TCF25: variants seen among roughly 807,000 people sequenced by gnomAD.
TCF25 encodes the protein TCF25 ribosome quality control complex subunit, also known as ribosome quality control complex subunit TCF25.
A neutral mutation model predicts 83.1 loss-of-function variants in TCF25; 41 were observed. That is an observed-to-expected ratio of 0.49 (90% CI 0.38 to 0.64). The LOEUF (loss-of-function observed/expected upper bound fraction) is 0.64, where lower values mean the gene tolerates loss of function less well. Among genes scored for constraint, TCF25 ranks in the 30% least tolerant of loss-of-function variants. The pLI is 0.00. For missense variants in TCF25, 979 were observed against 914.5 expected (o/e 1.07, Z -0.91); for synonymous variants, 458 against 365.0 (o/e 1.25, Z -2.90).
In TCF25 at chr16:89,878,059, C is replaced by G. The variant is rs181085618; in HGVS notation, c.192+4200C>G. On this transcript the variant is annotated intron_variant, in intron 1 of 17. Transcript: ENST00000263346. ...TTGGGAGGTCAAGGCAGATCCATCA[C>G]TTGAGCTCAGGTGTGTGAGACCAGC... Among the ~76,000 whole-genome samples, 190 of 152,264 alleles carry G rather than the reference C, an allele frequency of 1.2e-3. 3 individuals carry two copies. Among genetic ancestry groups the G allele is most frequent in the Middle Eastern group, 3.4e-3 (1 of 294 alleles).
In TCF25 at chr16:89,911,257, G is replaced by GA. The variant is rs754052079; in HGVS notation, c.*23dup. On this transcript the variant is annotated 3_prime_UTR_variant, in exon 18 of 18. Coordinates refer to ENST00000263346, the MANE Select transcript of TCF25 (RefSeq NM_014972.3). Reference sequence around the variant, plus strand: ...GGACTGAGCGTCCGCAGAGGTGACCGAAAAGCCGTATGATGATGTTCCCGA... The same window carrying GA: ...GGACTGAGCGTCCGCAGAGGTGACCGAAAAAGCCGTATGATGATGTTCCCGA... 5.3e-5 allele frequency: 86 copies of GA among 1,610,958 alleles called. No homozygotes were observed. In the African/African-American group the frequency reaches 1.0e-3, roughly 20 times the overall value.
rs201905874 is a variant in TCF25 at position 89,873,639 on chromosome 16, C to A, written c.-29C>A. The stretch of plus-strand genomic sequence containing the variant: ...GAGTTTTCTGCGCTTCCTTCTCCCT[C>A]TCTCCAGACGTCGTGGTCGTTCGGT... On this transcript the variant is annotated 5_prime_UTR_variant, in exon 1 of 18. Coordinates refer to ENST00000263346, the MANE Select transcript of TCF25 (RefSeq NM_014972.3). The A allele has an allele frequency of 6.6e-7, 1 of 1,510,312 alleles. No individual in the cohort carries two copies. The highest frequency in any genetic ancestry group is 8.8e-7 in the Non-Finnish European group (1 of 1,133,726). The allele number at this position is 1,510,312 out of a possible 1,614,324, so 93.6% of individuals were successfully genotyped here.
chr16:89,892,396 G>T lies in TCF25; in HGVS notation c.697+121G>T, dbSNP rs1417110930. 5.3e-6 allele frequency: 6 copies of T among 1,135,800 alleles called. No individual in the cohort carries two copies. In the South Asian group the frequency reaches 7.4e-5, roughly 14 times the overall value. The allele number at this position is 1,135,800 out of a possible 1,614,324, so 70.4% of individuals were successfully genotyped here. ...CTGCTGGGGGTGGAGGGCGGCGGGG[G>T]GGTGTGTTCTGTGCACTGGCCTGCG... On this transcript the variant is annotated intron_variant, in intron 6 of 17. Transcript: ENST00000263346.
Position 89,898,634 on chromosome 16 carries a change from G to A in TCF25, c.1100G>A (p.Cys367Tyr). 6.2e-7 allele frequency: 1 copy of A among 1,612,850 alleles called. No individual in the cohort carries two copies. Among genetic ancestry groups the A allele is most frequent in the South Asian group, 1.1e-5 (1 of 91,088 alleles). Residue 367 changes from cysteine to tyrosine, a missense_variant, in exon 10 of 18, where the codon TGC (cysteine) becomes TAC (tyrosine). Coordinates refer to ENST00000263346, the MANE Select transcript of TCF25 (RefSeq NM_014972.3). ...TGCCCGCGCACGGCGCTGGAGTACTGCAAGCTCATCCTGAGGTGAGTGTCT... is the reference window on the plus strand; with the variant it reads ...TGCCCGCGCACGGCGCTGGAGTACTACAAGCTCATCCTGAGGTGAGTGTCT... ...RGCPRTALEYCKLILSLEPDE... is the reference protein window; with the variant it reads ...RGCPRTALEYYKLILSLEPDE...
chr16:89,894,965 G>T, intron 7 of TCF25, 73 bp from the exon 8 acceptor site: 1 of 1,418,382 alleles, frequency 7.1e-7, no homozygotes, highest in Non-Finnish European at 9.8e-7. Flanking sequence ...TTAAATGTCT[G>T]AAAAAAAGGC....
At chr16:89,896,524 T>C (rs144997577) in intron 9 of TCF25, among the ~76,000 whole-genome samples, 1,949 of 150,400 alleles carry the variant, frequency 0.013, 51 homozygotes, top group African/African-American at 0.045. Context: ...CTGAGCACCG[T>C]GGCAACATGC....
intron 16 of TCF25, among the ~76,000 whole-genome samples, chr16:89,908,597 GCCTCCCTCCTCCCAGCTCCCA>G (rs1567745651): frequency 0.14 from 3,071 of 22,434 alleles, 89 homozygotes; most frequent in Non-Finnish European, 0.17. Context: ...CCCAGCTCCC[GCCTCCCTCCTCCCAGCTCCCA>G]CCTCCCAGCT....
At chr16:89,876,373 G>A (rs62056103) in intron 1 of TCF25, among the ~76,000 whole-genome samples, 10,013 of 152,208 alleles carry the variant, frequency 0.066, 522 homozygotes, top group East Asian at 0.25. Context: ...AGCCAGTTAC[G>A]ACTAAATGGT....
chr16:89,898,108 CA>C (rs34317886), intron 9 of TCF25, among the ~76,000 whole-genome samples: 1,263 of 114,918 alleles, frequency 0.011, 11 homozygotes, highest in African/African-American at 0.03. Context: ...GACTCCGTCT[CA>C]AAAAAAAAAA....
At chr16:89,875,968 G>C (rs1052124388) in intron 1 of TCF25, among the ~76,000 whole-genome samples, 1 of 151,300 alleles carries the variant, frequency 6.6e-6, no homozygotes, top group Non-Finnish European at 1.5e-5. Flanking sequence ...ACCCTACCAT[G>C]CTCAGCTTGT....
chr16:89,882,538 AAAAG>A (rs941983569), intron 1 of TCF25, among the ~76,000 whole-genome samples: 3 of 150,716 alleles, frequency 2.0e-5, no homozygotes, highest in African/African-American at 7.2e-5. Flanking sequence ...CTCTGTCTCA[AAAAG>A]AGAGAGAGAA....
intron 15 of TCF25, 145 bp downstream of exon 15, chr16:89,906,429 C>CA: frequency 1.4e-6 from 1 of 699,216 alleles, no homozygotes; most frequent in Non-Finnish European, 2.4e-6. Context: ...GGGTCTAGTG[C>CA]AGAGGGCTCC....
At chr16:89,875,369 G>A (rs527299147) in intron 1 of TCF25, among the ~76,000 whole-genome samples, 1 of 151,938 alleles carries the variant, frequency 6.6e-6, no homozygotes, top group African/African-American at 2.4e-5. Flanking sequence ...GCTTGCTATC[G>A]ATTGTCTCTA....
At chr16:89,889,488 G>A (rs1360348672) in intron 5 of TCF25, 1 of 199,846 alleles carries the variant, frequency 5.0e-6, no homozygotes, top group Non-Finnish European at 1.0e-5. Context: ...GACACATCCT[G>A]TTTTATTGGA....
At chr16:89,910,707 G>T in intron 17 of TCF25, 44 bp downstream of exon 17, 1 of 1,595,854 alleles carries the variant, frequency 6.3e-7, no homozygotes, top group South Asian at 1.1e-5. Context: ...AGTGGGTGCG[G>T]GCATATCCAT....
chr16:89,904,235 G>T, intron 13 of TCF25, 30 bp downstream of exon 13: 1 of 1,551,054 alleles, frequency 6.4e-7, no homozygotes, highest in Middle Eastern at 1.7e-4. Flanking sequence ...GCCCATCTGT[G>T]GGTGCCTGTG....
rs746413696 is a variant in TCF25, at chr16:89,911,162, T to C, written c.1955T>C (p.Met652Thr). 3 of 1,612,068 alleles carry C rather than the reference T, an allele frequency of 1.9e-6. No individual in the cohort carries two copies. Among genetic ancestry groups the C allele is most frequent in the South Asian group, 1.1e-5 (1 of 91,052 alleles). ...LNRLMLAVRD[M>T]MANFHLNDLE... ...AGGCTGATGCTGGCTGTGCGCGACA[T>C]GATGGCCAACTTCCACCTCAACGAC... The change falls in exon 18 of 18, where the codon ATG becomes ACG. Residue 652 changes from methionine to threonine, a missense_variant. Transcript: ENST00000263346.
At chr16:89,906,311 C>T in intron 15 of TCF25, 27 bp downstream of exon 15, 5 of 1,607,026 alleles carry the variant, frequency 3.1e-6, no homozygotes, top group African/African-American at 1.3e-5. Context: ...GAAATGGGAG[C>T]TCTGTGTAAG....
intron 1 of TCF25, among the ~76,000 whole-genome samples, chr16:89,879,998 C>G (rs189126577): frequency 8.6e-5 from 13 of 150,748 alleles, no homozygotes; most frequent in African/African-American, 3.2e-4. Context: ...GCGTGCTGTC[C>G]ATGTACACAG....
Sources: allele counts gnomAD v4.1 joint callset (sites outside exome capture counted in the v4.1 genomes callset), GRCh38; gene constraint gnomAD v4.1.1; transcripts MANE v1.5; gene names NCBI Gene and HGNC (gene_info 2026-07-23, HGNC 2026-07-21).